Variants in C8orf34 observed in about 807,000 individuals in gnomAD.
C8orf34 encodes chromosome 8 open reading frame 34.
In C8orf34, 65 loss-of-function variants were observed where a neutral mutation model predicts 68.3. The ratio of observed to expected loss-of-function variants is 0.95; its 90% CI spans 0.78 to 1.17. The LOEUF is 1.17. Among genes scored for constraint, C8orf34 ranks in the 50% most tolerant of loss-of-function variants. The pLI is 0.00. For missense variants in C8orf34, 664 were observed against 655.4 expected (o/e 1.01, Z -0.14); for synonymous variants, 244 against 241.2 (o/e 1.01, Z -0.11).
chr8:68,596,022 T>C (rs1453656632), intron 7 of C8orf34, among the ~76,000 whole-genome samples: 1 of 152,190 alleles, frequency 6.6e-6, no homozygotes, highest in African/African-American at 2.4e-5. Context: ...TTATGATTAT[T>C]GTTCAATTGG....
intron 8 of C8orf34, among the ~76,000 whole-genome samples, chr8:68,696,098 C>T (rs933218786): frequency 1.3e-5 from 2 of 151,428 alleles, no homozygotes; most frequent in African/African-American, 4.9e-5. Flanking sequence ...CCCAAGAGGT[C>T]AGGACTTCAA....
intron 10 of C8orf34, among the ~76,000 whole-genome samples, chr8:68,764,518 A>G (rs1823113838): frequency 6.6e-6 from 1 of 152,136 alleles, no homozygotes; most frequent in African/African-American, 2.4e-5. Flanking sequence ...CCACACAAAT[A>G]TGTGGGCTGG....
intron 10 of C8orf34, among the ~76,000 whole-genome samples, chr8:68,757,959 G>A (rs573706480): frequency 1.3e-5 from 2 of 152,300 alleles, no homozygotes; most frequent in African/African-American, 4.8e-5. Flanking sequence ...TAAAATGGCA[G>A]GTATGTAACT....
chr8:68,774,263 G>A (rs546757297), intron 10 of C8orf34, among the ~76,000 whole-genome samples: 2 of 148,818 alleles, frequency 1.3e-5, no homozygotes, highest in Non-Finnish European at 3.0e-5. Context: ...TCCGAATGAG[G>A]GTAAGATAGT....
intron 5 of C8orf34, among the ~76,000 whole-genome samples, chr8:68,514,781 G>A (rs1302999015): frequency 6.6e-6 from 1 of 152,140 alleles, no homozygotes; most frequent in African/African-American, 2.4e-5. Context: ...TCTATAATTG[G>A]TCTTATTTTC....
At chr8:68,557,811 A>C (rs957706933) in intron 7 of C8orf34, among the ~76,000 whole-genome samples, 2 of 152,176 alleles carry the variant, frequency 1.3e-5, no homozygotes, top group Admixed American at 1.3e-4. Context: ...ATGTTTTTCT[A>C]TATGCTGTTT....
At chr8:68,481,392 G>A (rs372737935) in intron 4 of C8orf34, among the ~76,000 whole-genome samples, 154 of 152,268 alleles carry the variant, frequency 1.0e-3, no homozygotes, top group African/African-American at 3.5e-3. Flanking sequence ...TGGGGTCAGA[G>A]CCCCCACACT....
chr8:68,364,600 G>T (rs1209374299), intron 1 of C8orf34, among the ~76,000 whole-genome samples: 1 of 100,014 alleles, frequency 1.0e-5, no homozygotes, highest in African/African-American at 4.0e-5. Context: ...CTCACTCAAA[G>T]CTGCTCAACT....
intron 2 of C8orf34, among the ~76,000 whole-genome samples, chr8:68,444,945 A>G (rs990702556): frequency 3.9e-5 from 6 of 152,218 alleles, no homozygotes; most frequent in African/African-American, 1.4e-4. Flanking sequence ...TGGATATAGA[A>G]AGACAAATTC....
At chr8:68,664,969 A>G (rs1819793711) in intron 8 of C8orf34, among the ~76,000 whole-genome samples, 1 of 152,212 alleles carries the variant, frequency 6.6e-6, no homozygotes. Context: ...GAGTGGAAAG[A>G]ATACCTAGAA....
chr8:68,433,768 G>T (rs1810544099), intron 1 of C8orf34, among the ~76,000 whole-genome samples: 1 of 152,118 alleles, frequency 6.6e-6, no homozygotes, highest in Non-Finnish European at 1.5e-5. Context: ...CAAATGAAAT[G>T]GATCTTTTAC....
intron 8 of C8orf34, among the ~76,000 whole-genome samples, chr8:68,672,373 G>A (rs1468151623): frequency 6.6e-6 from 1 of 152,194 alleles, no homozygotes; most frequent in Non-Finnish European, 1.5e-5. Flanking sequence ...AAGAGGGAAG[G>A]AAAGAGTCTT....
chr8:68,528,461 A>T (rs1815107078), intron 6 of C8orf34, among the ~76,000 whole-genome samples: 1 of 152,152 alleles, frequency 6.6e-6, no homozygotes, highest in Non-Finnish European at 1.5e-5. Flanking sequence ...AGTCAGGTTT[A>T]TCTCTGCCCC....
chr8:68,471,357 AT>A (rs1042928301), intron 4 of C8orf34, among the ~76,000 whole-genome samples: 1 of 152,050 alleles, frequency 6.6e-6, no homozygotes, highest in African/African-American at 2.4e-5. Context: ...TTATTATTGA[AT>A]TGTCTTAGGC....
At chr8:68,352,484 CT>C (rs1806553718) in intron 1 of C8orf34, among the ~76,000 whole-genome samples, 1 of 151,916 alleles carries the variant, frequency 6.6e-6, no homozygotes. Context: ...CAAAGTTATC[CT>C]CAAATTTCAG....
At chr8:68,712,524 G>T (rs552430635) in intron 9 of C8orf34, among the ~76,000 whole-genome samples, 62 of 152,230 alleles carry the variant, frequency 4.1e-4, no homozygotes, top group Admixed American at 2.2e-3. Flanking sequence ...GACACCAAAA[G>T]TGAGCAGGAG....
At chr8:68,779,199 A>T (rs1176063835) in intron 11 of C8orf34, among the ~76,000 whole-genome samples, 1 of 149,550 alleles carries the variant, frequency 6.7e-6, no homozygotes, top group African/African-American at 2.5e-5. Context: ...ACACACACAC[A>T]CACACACACA....
chr8:68,566,584 C>A (rs1816596280), intron 7 of C8orf34, among the ~76,000 whole-genome samples: 1 of 152,192 alleles, frequency 6.6e-6, no homozygotes, highest in Admixed American at 6.5e-5. Flanking sequence ...TAGCTTTCAG[C>A]TTTTCTTTAG....
rs10596354 is a variant in C8orf34 at position 68,471,925 on chromosome 8, A to AACACACAC, written c.736+3137_736+3144dup. On this transcript the variant is annotated intron_variant, in intron 4 of 13. Coordinates refer to ENST00000518698, the MANE Select transcript of C8orf34 (RefSeq NM_052958.4). ...CTGCCAGCTTTTAGAGACTTAAATG[A>AACACACAC]ACACACACACACACACACACACACA... Among the ~76,000 whole-genome samples the AACACACAC allele has an allele frequency of 4.9e-3, 716 of 147,446 alleles. 6 individuals are homozygous for AACACACAC. The highest frequency in any genetic ancestry group is 0.015 in the African/African-American group (600 of 39,958).
Sources: allele counts gnomAD v4.1 joint callset (sites outside exome capture counted in the v4.1 genomes callset), GRCh38; gene constraint gnomAD v4.1.1; transcripts MANE v1.5; gene names NCBI Gene and HGNC (gene_info 2026-07-23, HGNC 2026-07-21).